Variants in HDAC9 observed in about 807,000 individuals in gnomAD.
The protein encoded by HDAC9 is MEF-2 interacting transcription repressor (MITR) protein.
Under a neutral mutation model 139.4 loss-of-function variants are expected in HDAC9, and 41 were observed. That is an observed-to-expected ratio of 0.29 (90% CI 0.23 to 0.38). The LOEUF is 0.38. Among genes scored for constraint, HDAC9 ranks in the 10% least tolerant of loss-of-function variants. The pLI is 1.00. For synonymous variants in HDAC9, 517 were observed against 476.2 expected (o/e 1.09, Z -1.12); for missense variants, 1,147 against 1,297.0 (o/e 0.88, Z 1.78).
At chr7:18,442,848 C>T (rs1376816552) in intron 1 of HDAC9, among the ~76,000 whole-genome samples, 1 of 152,130 alleles carries the variant, frequency 6.6e-6, no homozygotes, top group Admixed American at 6.5e-5. Context: ...TCAGTCCTAG[C>T]CCAACCACAA....
intron 2 of HDAC9, among the ~76,000 whole-genome samples, chr7:18,550,246 C>T (rs112109495): frequency 2.0e-5 from 3 of 152,228 alleles, no homozygotes; most frequent in African/African-American, 7.2e-5. Context: ...GTTGCCCTAC[C>T]AACCTGTTCT....
intron 17 of HDAC9, among the ~76,000 whole-genome samples, chr7:18,814,658 C>G (rs1488018932): frequency 6.6e-6 from 1 of 152,092 alleles, no homozygotes; most frequent in Non-Finnish European, 1.5e-5. Flanking sequence ...ATATATAATG[C>G]TATTATGTAC....
intron 6 of HDAC9, among the ~76,000 whole-genome samples, chr7:18,599,094 C>G (rs139328186): frequency 1.5e-4 from 23 of 152,338 alleles, no homozygotes; most frequent in African/African-American, 5.5e-4. Context: ...TCTGTGCTCA[C>G]TAGGGCCAGA....
intron 14 of HDAC9, among the ~76,000 whole-genome samples, chr7:18,755,180 G>A (rs1788772384): frequency 6.6e-6 from 1 of 152,144 alleles, no homozygotes; most frequent in African/African-American, 2.4e-5. Context: ...GAGTAAACCA[G>A]GCTACATTGT....
At chr7:18,962,459 A>G (rs1376670097) in intron 24 of HDAC9, among the ~76,000 whole-genome samples, 2 of 152,152 alleles carry the variant, frequency 1.3e-5, no homozygotes, top group Non-Finnish European at 1.5e-5. Flanking sequence ...ACTAGAATGT[A>G]TCAGAATAAA....
intron 12 of HDAC9, among the ~76,000 whole-genome samples, chr7:18,669,437 C>G (rs754906894): frequency 6.6e-6 from 1 of 151,678 alleles, no homozygotes; most frequent in Non-Finnish European, 1.5e-5. Context: ...GAGCCTGATT[C>G]AAGTAAAGGC....
chr7:18,424,637 AG>A (rs1789943278), intron 1 of HDAC9, among the ~76,000 whole-genome samples: 1 of 152,226 alleles, frequency 6.6e-6, no homozygotes, highest in African/African-American at 2.4e-5. Flanking sequence ...GGCTGGGCGC[AG>A]TGGCTCATGC....
intron 7 of HDAC9, among the ~76,000 whole-genome samples, chr7:18,633,827 G>T (rs1783049850): frequency 1.3e-5 from 2 of 152,020 alleles, no homozygotes; most frequent in South Asian, 2.1e-4. Flanking sequence ...TTATATTTTT[G>T]ATTAAATGTT....
chr7:18,131,163 G>T (rs547511238), intron 1 of HDAC9, among the ~76,000 whole-genome samples: 1 of 152,022 alleles, frequency 6.6e-6, no homozygotes, highest in Non-Finnish European at 1.5e-5. Flanking sequence ...GGAGAACTTC[G>T]TCAGCATACA....
At chr7:18,893,598 C>T (rs955038402) in intron 22 of HDAC9, among the ~76,000 whole-genome samples, 3 of 152,190 alleles carry the variant, frequency 2.0e-5, no homozygotes, top group Non-Finnish European at 4.4e-5. Flanking sequence ...TCACAGCTAG[C>T]AGCTTCCACA....
chr7:18,547,364 T>C (rs1815275435), intron 2 of HDAC9, among the ~76,000 whole-genome samples: 1 of 152,108 alleles, frequency 6.6e-6, no homozygotes, highest in South Asian at 2.1e-4. Context: ...GCCTCCCGAG[T>C]AGCTGGGACT....
chr7:18,520,629 G>C (rs1286718231), intron 2 of HDAC9, among the ~76,000 whole-genome samples: 1 of 152,090 alleles, frequency 6.6e-6, no homozygotes, highest in African/African-American at 2.4e-5. Context: ...GTGCTCTCTG[G>C]ACAAGTAAGC....
chr7:18,385,822 G>GA (rs1400395140), intron 1 of HDAC9, among the ~76,000 whole-genome samples: 1 of 151,846 alleles, frequency 6.6e-6, no homozygotes, highest in Non-Finnish European at 1.5e-5. Flanking sequence ...AGAGCTGGAA[G>GA]AAAAAATTTC....
rs139587350 is a variant in HDAC9 at position 18,210,212 on chromosome 7, A to G, written c.25+47863A>G. Reference sequence around the variant, plus strand: ...ATATTCTGTGGTGTTCTGTGATACAACCTTAAATAAGACAAGACATAGATC... The same window carrying G: ...ATATTCTGTGGTGTTCTGTGATACAGCCTTAAATAAGACAAGACATAGATC... On this transcript the variant is annotated intron_variant, in intron 2 of 12. Transcript: ENST00000417496. 7.0e-3 allele frequency among the ~76,000 whole-genome samples: 1,073 copies of G among 152,276 alleles called. 17 individuals are homozygous for G. Among genetic ancestry groups the G allele is most frequent in the African/African-American group, 0.025 (1,034 of 41,556 alleles).
chr7:18,332,067 T>G (rs148309871), intron 1 of HDAC9, among the ~76,000 whole-genome samples: 83 of 151,842 alleles, frequency 5.5e-4, no homozygotes, highest in Middle Eastern at 6.8e-3. Context: ...TTCAGATGTT[T>G]AAATTTGCTT....
At chr7:18,379,022 T>C (rs1033000819) in intron 1 of HDAC9, among the ~76,000 whole-genome samples, 1 of 152,188 alleles carries the variant, frequency 6.6e-6, no homozygotes, top group Non-Finnish European at 1.5e-5. Context: ...AAAAAAATCA[T>C]TATTCTTACT....
chr7:18,578,099 C>G (rs897312688), intron 2 of HDAC9: 1 of 518,282 alleles, frequency 1.9e-6, no homozygotes, highest in Non-Finnish European at 3.9e-6. Flanking sequence ...CCAGAGTGCT[C>G]TGCTCCAGAC....
chr7:18,204,138 A>C (rs566934734), intron 2 of HDAC9, among the ~76,000 whole-genome samples: 2 of 152,176 alleles, frequency 1.3e-5, no homozygotes, highest in African/African-American at 4.8e-5. Flanking sequence ...ATTTAGTGAC[A>C]GTGAAAGTTT....
intron 15 of HDAC9, among the ~76,000 whole-genome samples, chr7:18,766,223 G>A (rs1430738992): frequency 1.3e-5 from 2 of 152,222 alleles, no homozygotes; most frequent in East Asian, 3.9e-4. Context: ...AGAACCATTT[G>A]ACTATGAAAT....
Sources: gnomAD v4.1 joint callset for allele counts (sites outside exome capture counted in the v4.1 genomes callset) on GRCh38, gnomAD v4.1.1 for gene constraint, MANE v1.5 for transcripts, NCBI Gene and HGNC (gene_info 2026-07-23, HGNC 2026-07-21) for gene names.